Variants in TXLNB observed in about 807,000 individuals in gnomAD.
TXLNB encodes the protein taxilin beta.
Under a neutral mutation model 57.4 loss-of-function variants are expected in TXLNB, and 37 were observed. That is an observed-to-expected ratio of 0.64 (90% CI 0.50 to 0.85). The LOEUF (loss-of-function observed/expected upper bound fraction) is 0.85, where lower values mean the gene tolerates loss of function less well. Ranked by LOEUF, TXLNB falls within the 40% of genes least tolerant of loss-of-function variation. TXLNB has a pLI of 0.00. For synonymous variants in TXLNB, 302 were observed against 309.6 expected, an observed-to-expected ratio of 0.98 and a Z score of 0.26; for missense variants, 848 against 825.6, an observed-to-expected ratio of 1.03 and a Z score of -0.33.
At chr6:139,317,687 G>A in the TXLNB span, among the ~76,000 whole-genome samples, 8 of 151,978 alleles carry the variant, frequency 5.3e-5, no homozygotes, top group African/African-American at 1.4e-4. Context: ...CACCATGCCC[G>A]GCCAAGACAG....
At chr6:139,179,803 T>C in the TXLNB span, 1 of 152,230 alleles carries the variant, frequency 6.6e-6, no homozygotes, top group Non-Finnish European at 1.5e-5. Flanking sequence ...TAAAAGGATA[T>C]TAGTTACCCA....
intron 7 of TXLNB, among the ~76,000 whole-genome samples, chr6:139,251,054 G>A (rs1304386297): frequency 6.6e-6 from 1 of 152,118 alleles, no homozygotes; most frequent in Non-Finnish European, 1.5e-5. Context: ...CTTGTTGCTG[G>A]CTCATGAGCA....
chr6:139,282,705 G>A (rs1458739624), intron 2 of TXLNB, among the ~76,000 whole-genome samples: 1 of 145,912 alleles, frequency 6.9e-6, no homozygotes, highest in Non-Finnish European at 1.5e-5. Context: ...TTCATTAACT[G>A]AGGTGTAATA....
the TXLNB span, among the ~76,000 whole-genome samples, chr6:139,193,898 G>C: frequency 2.1e-5 from 3 of 144,184 alleles, no homozygotes; most frequent in African/African-American, 7.7e-5. Context: ...CTGGAGTGCA[G>C]TGGCGCGATC....
At chr6:139,203,765 C>T in the TXLNB span, 1 of 152,184 alleles carries the variant, frequency 6.6e-6, no homozygotes, top group Non-Finnish European at 1.5e-5. Flanking sequence ...GGTTGACAGA[C>T]CACTGATGGT....
chr6:139,235,078 T>C (rs945253427), downstream of TXLNB, among the ~76,000 whole-genome samples: 4 of 152,228 alleles, frequency 2.6e-5, no homozygotes, highest in Non-Finnish European at 5.9e-5. Context: ...AGCCCCTTTG[T>C]TATGGCCAAT....
intron 7 of TXLNB, among the ~76,000 whole-genome samples, chr6:139,249,574 C>A (rs1393907448): frequency 6.6e-6 from 1 of 152,096 alleles, no homozygotes; most frequent in Non-Finnish European, 1.5e-5. Context: ...ACAGAAAGCA[C>A]CCTGAATGAA....
chr6:139,163,203 C>T, the TXLNB span, among the ~76,000 whole-genome samples: 1 of 152,198 alleles, frequency 6.6e-6, no homozygotes, highest in Non-Finnish European at 1.5e-5. Context: ...GGGCTGGCCT[C>T]TACGGGATGG....
chr6:139,265,921 C>A (rs757998045), intron 4 of TXLNB, among the ~76,000 whole-genome samples: 1 of 151,792 alleles, frequency 6.6e-6, no homozygotes, highest in Non-Finnish European at 1.5e-5. Flanking sequence ...GGAAGATCAC[C>A]CAAAAAAAGA....
At chr6:139,161,119 A>AT in the TXLNB span, among the ~76,000 whole-genome samples, 1 of 152,000 alleles carries the variant, frequency 6.6e-6, no homozygotes, top group East Asian at 1.9e-4. Flanking sequence ...GAAGGAAATA[A>AT]TGTCCGAGTT....
At chr6:139,260,869 A>G (rs1768968760) in intron 5 of TXLNB, among the ~76,000 whole-genome samples, 1 of 152,170 alleles carries the variant, frequency 6.6e-6, no homozygotes, top group Non-Finnish European at 1.5e-5. Flanking sequence ...ACACTTGTGC[A>G]ATTTATCATG....
chr6:139,179,056 A>C, the TXLNB span: 1 of 152,210 alleles, frequency 6.6e-6, no homozygotes, highest in South Asian at 2.1e-4. Context: ...AATGCCTATA[A>C]GAAGTAGAAA....
the TXLNB span, among the ~76,000 whole-genome samples, chr6:139,190,524 T>G: frequency 6.6e-6 from 1 of 152,100 alleles, no homozygotes; most frequent in Non-Finnish European, 1.5e-5. Flanking sequence ...TTGGCTAGGC[T>G]GGTCTGGAAC....
rs9484252 is a variant in TXLNB, at chr6:139,240,381, G to A, written c.*2145C>T. 0.11 allele frequency: 17,411 copies of A among 152,652 alleles called. 3,069 individuals are homozygous for A. The highest frequency in any genetic ancestry group is 0.38 in the African/African-American group (15,567 of 41,466). The allele number at this position is 152,652 out of a possible 1,614,324, so 9.5% of individuals were successfully genotyped here. A position where few individuals can be genotyped will look rare whatever the true frequency, so the allele number is the denominator to read the frequency against. ...CTGTCCAAGATATACATGGCTGTGA[G>A]TAATGTGTTTCTGTGAAAGTCTTTT... On this transcript the variant is annotated 3_prime_UTR_variant, in exon 10 of 10. Coordinates refer to ENST00000358430, the MANE Select transcript of TXLNB (RefSeq NM_153235.4).
At chr6:139,259,498 G>A (rs1286379140) in intron 6 of TXLNB, among the ~76,000 whole-genome samples, 2 of 152,212 alleles carry the variant, frequency 1.3e-5, no homozygotes, top group Non-Finnish European at 1.5e-5. Context: ...GATGCTCCAA[G>A]TAGCAGCTCC....
At chr6:139,235,908 G>A (rs568605607), downstream of TXLNB, among the ~76,000 whole-genome samples, 3 of 152,312 alleles carry the variant, frequency 2.0e-5, no homozygotes, top group East Asian at 5.8e-4. Context: ...GAGCAGAGGA[G>A]CGGAAGAGCA....
intron 5 of TXLNB, among the ~76,000 whole-genome samples, chr6:139,261,214 T>G (rs1007989253): frequency 2.0e-5 from 3 of 152,186 alleles, no homozygotes; most frequent in Non-Finnish European, 4.4e-5. Context: ...ACAACTAGCA[T>G]AGCAGCCCAT....
the TXLNB span, among the ~76,000 whole-genome samples, chr6:139,315,448 G>A: frequency 6.6e-6 from 1 of 152,122 alleles, no homozygotes; most frequent in Non-Finnish European, 1.5e-5. Context: ...TCCTCCATTT[G>A]TTCCTGACAT....
the TXLNB span, chr6:139,167,445 C>T: frequency 6.1e-6 from 5 of 815,684 alleles, no homozygotes; most frequent in African/African-American, 8.6e-5. Context: ...TAGTCAGGTG[C>T]TAGGTAACAT....
Sources: gnomAD v4.1 joint callset for allele counts (sites outside exome capture counted in the v4.1 genomes callset) on GRCh38, gnomAD v4.1.1 for gene constraint, MANE v1.5 for transcripts, NCBI Gene and HGNC (gene_info 2026-07-23, HGNC 2026-07-21) for gene names.